The following RNF170 variants were observed in gnomAD, a reference collection of about 807,000 sequenced individuals.
The protein encoded by RNF170 is E3 ubiquitin-protein ligase RNF170.
RNF170 carries 12 observed loss-of-function variants against 32.7 expected under a neutral mutation model. That is an observed-to-expected ratio of 0.37 (90% CI 0.24 to 0.60). The LOEUF (loss-of-function observed/expected upper bound fraction) is 0.60, where lower values mean the gene tolerates loss of function less well. Among genes scored for constraint, RNF170 ranks in the 20% least tolerant of loss-of-function variants. The probability of loss-of-function intolerance (pLI) is 0.72; values close to 1 mark genes in which losing one functional copy is unlikely to be tolerated. For synonymous variants in RNF170, 91 were observed against 103.6 expected (o/e 0.88, Z 0.74); for missense variants, 212 against 311.2 (o/e 0.68, Z 2.40).
At chr8:42,857,989 C>T (rs1399478081) in intron 6 of RNF170, among the ~76,000 whole-genome samples, 5 of 152,146 alleles carry the variant, frequency 3.3e-5, no homozygotes, top group African/African-American at 4.8e-5. Flanking sequence ...GAGCCGAGAT[C>T]GCGCCATTGC....
rs1376591665 is a variant in RNF170, at chr8:42,873,973, C to T, written c.171G>A (p.Gln57=). 1 of 1,602,082 alleles carries T rather than the reference C, an allele frequency of 6.2e-7. No homozygotes were observed. Among genetic ancestry groups the T allele is most frequent in the East Asian group, 2.2e-5 (1 of 44,780 alleles). The change falls in exon 3 of 7, where the codon CAG becomes CAA. Residue 57 remains glutamine (Q), a synonymous_variant. Coordinates refer to ENST00000527424, the MANE Select transcript of RNF170 (RefSeq NM_030954.4). ...GTTCTCGAAGTACCCTTACTAGCTC[C>T]TGGTTTTCTGGGTGAATGTTTTGAT... ...NVHQNIHPEN[Q]ELVRVLREQL...
At chr8:42,891,699 A>G (rs1482628934) in intron 1 of RNF170, among the ~76,000 whole-genome samples, 1 of 152,114 alleles carries the variant, frequency 6.6e-6, no homozygotes, top group Non-Finnish European at 1.5e-5. Flanking sequence ...CAACCTTTAC[A>G]CTTAAACTCT....
At chr8:42,895,988 T>C (rs1806793163) in intron 1 of RNF170, among the ~76,000 whole-genome samples, 3 of 152,182 alleles carry the variant, frequency 2.0e-5, no homozygotes, top group Admixed American at 2.0e-4. Context: ...TATGCACTTT[T>C]CTGCGTATGC....
At chr8:42,885,700 G>A (rs1414748084) in intron 2 of RNF170, among the ~76,000 whole-genome samples, 2 of 152,028 alleles carry the variant, frequency 1.3e-5, no homozygotes, top group African/African-American at 4.8e-5. Flanking sequence ...AAACCTTTTG[G>A]CCATTTGTAT....
chr8:42,895,906 C>T (rs148019739), intron 1 of RNF170, among the ~76,000 whole-genome samples: 2 of 152,162 alleles, frequency 1.3e-5, no homozygotes, highest in African/African-American at 4.8e-5. Context: ...TGAGAAACTC[C>T]TGGGGTGCCG....
intron 6 of RNF170, among the ~76,000 whole-genome samples, chr8:42,859,040 G>A (rs1260239780): frequency 1.3e-5 from 2 of 152,002 alleles, no homozygotes; most frequent in African/African-American, 2.4e-5. Flanking sequence ...AAAATTAGCC[G>A]GGTTGTGGTG....
chr8:42,854,734 G>A lies in RNF170; in HGVS notation c.*1425C>T, dbSNP rs995486111. On this transcript the variant is annotated 3_prime_UTR_variant, in exon 7 of 7. Transcript: ENST00000527424. Reference sequence around the variant, plus strand: ...GATATTAATAGCAGTGATCTCAGATGACAATGCTAACACTGACTCCTGGGC... The same window carrying A: ...GATATTAATAGCAGTGATCTCAGATAACAATGCTAACACTGACTCCTGGGC... The A allele has an allele frequency of 2.3e-6, 3 of 1,287,404 alleles. No individual in the cohort carries two copies. The highest frequency in any genetic ancestry group is 3.0e-6 in the Non-Finnish European group (3 of 988,608). 79.7% of individuals were successfully genotyped at this position (1,287,404 alleles called of 1,614,324 possible).
chr8:42,851,565 A>G (rs1274639490), downstream of RNF170, among the ~76,000 whole-genome samples: 1 of 105,756 alleles, frequency 9.5e-6, no homozygotes, highest in Non-Finnish European at 1.9e-5. Context: ...ACTCCGTCTC[A>G]AAAAAAAAAA....
chr8:42,854,728 T>C lies in RNF170; in HGVS notation c.*1431A>G. On this transcript the variant is annotated 3_prime_UTR_variant, in exon 7 of 7. Transcript: ENST00000527424. Reference sequence around the variant, plus strand: ...ATGGATGATATTAATAGCAGTGATCTCAGATGACAATGCTAACACTGACTC... The same window carrying C: ...ATGGATGATATTAATAGCAGTGATCCCAGATGACAATGCTAACACTGACTC... The C allele has an allele frequency of 7.8e-7, 1 of 1,287,454 alleles. No individual in the cohort carries two copies. Among genetic ancestry groups the C allele is most frequent in the Non-Finnish European group, 1.0e-6 (1 of 988,692 alleles). The allele number at this position is 1,287,454 out of a possible 1,614,324, so 79.8% of individuals were successfully genotyped here.
In RNF170 at chr8:42,853,700, ACT is replaced by A. The variant is rs1384529760; in HGVS notation, c.*2457_*2458del. The A allele has an allele frequency of 6.2e-6, 8 of 1,286,868 alleles. No individual in the cohort carries two copies. The highest frequency in any genetic ancestry group is 8.1e-6 in the Non-Finnish European group (8 of 988,652). The allele number at this position is 1,286,868 out of a possible 1,614,324, so 79.7% of individuals were successfully genotyped here. A position where few individuals can be genotyped will look rare whatever the true frequency, so the allele number is the denominator to read the frequency against. ...ACTATGATGTTCAAAACTCTGATTG[ACT>A]CTACTTGCTTTAAAAACTCTCAGAT... On this transcript the variant is annotated 3_prime_UTR_variant, in exon 7 of 7. Transcript: ENST00000527424.
At chr8:42,859,039 C>T (rs775123245) in intron 6 of RNF170, among the ~76,000 whole-genome samples, 3 of 151,956 alleles carry the variant, frequency 2.0e-5, no homozygotes, top group East Asian at 1.9e-4. Context: ...AAAAATTAGC[C>T]GGGTTGTGGT....
intron 1 of RNF170, chr8:42,889,426 T>C (rs1806111681): frequency 6.6e-6 from 1 of 151,940 alleles, no homozygotes; most frequent in Admixed American, 6.6e-5. Flanking sequence ...TAAAGAGAAA[T>C]TAAGGAATAT....
At chr8:42,875,614 T>G (rs2128939562) in intron 2 of RNF170, among the ~76,000 whole-genome samples, 1 of 152,364 alleles carries the variant, frequency 6.6e-6, no homozygotes. Context: ...TCTCACTCTG[T>G]CACCCAGGCT....
In RNF170 at chr8:42,891,574, T is replaced by C. The variant is rs188262979; in HGVS notation, c.-7-3703A>G. 2.6e-5 allele frequency among the ~76,000 whole-genome samples: 4 copies of C among 152,328 alleles called. No individual in the cohort carries two copies. The East Asian group carries it at 7.7e-4, about 29-fold the overall frequency. On this transcript the variant is annotated intron_variant, in intron 1 of 6. Transcript: ENST00000527424. ...TACATTAAGCCTTACATTAAGATAT[T>C]AAAATTCTGTTAAATGTCCCTAAAT...
At chr8:42,861,910 T>A in intron 5 of RNF170, 55 bp from the exon 6 acceptor site, 1 of 1,515,010 alleles carries the variant, frequency 6.6e-7, no homozygotes, top group Non-Finnish European at 8.9e-7. Flanking sequence ...TATGTTTTTT[T>A]CATTTTGTGT....
chr8:42,880,532 G>A (rs974982559), intron 2 of RNF170, among the ~76,000 whole-genome samples: 1 of 152,206 alleles, frequency 6.6e-6, no homozygotes, highest in Non-Finnish European at 1.5e-5. Flanking sequence ...AGCACTTTGG[G>A]AGGCTGAGGC....
At chr8:42,873,849 G>A in intron 3 of RNF170, 82 bp downstream of exon 3, 1 of 825,702 alleles carries the variant, frequency 1.2e-6, no homozygotes, top group Non-Finnish European at 2.1e-6. Flanking sequence ...TTTCCAAAAA[G>A]TAATTTAGTA....
chr8:42,854,721 A>G lies in RNF170; in HGVS notation c.*1438T>C, dbSNP rs1353531376. On this transcript the variant is annotated 3_prime_UTR_variant, in exon 7 of 7. Transcript: ENST00000527424. The stretch of plus-strand genomic sequence containing the variant: ...TAAATTAATGGATGATATTAATAGC[A>G]GTGATCTCAGATGACAATGCTAACA... 1 of 1,287,348 alleles carries G rather than the reference A, an allele frequency of 7.8e-7. No homozygotes were observed. The highest frequency in any genetic ancestry group is 5.5e-5 in the East Asian group (1 of 18,046). 79.7% of individuals were successfully genotyped at this position (1,287,348 alleles called of 1,614,324 possible). A position where few individuals can be genotyped will look rare whatever the true frequency, so the allele number is the denominator to read the frequency against.
At chr8:42,870,557 T>C (rs1431726213) in intron 3 of RNF170, among the ~76,000 whole-genome samples, 1 of 151,748 alleles carries the variant, frequency 6.6e-6, no homozygotes, top group Non-Finnish European at 1.5e-5. Flanking sequence ...CAAAACCCCA[T>C]CTCTACAAAA....
Sources: allele counts gnomAD v4.1 joint callset (sites outside exome capture counted in the v4.1 genomes callset), GRCh38; gene constraint gnomAD v4.1.1; transcripts MANE v1.5; gene names NCBI Gene and HGNC (gene_info 2026-07-23, HGNC 2026-07-21).